DNAH7: variants seen among roughly 807,000 people sequenced by gnomAD.
DNAH7 encodes dynein axonemal heavy chain 7, also known as axonemal beta dynein heavy chain 7.
DNAH7 carries 397 observed loss-of-function variants against 444.6 expected under a neutral mutation model. The observed-to-expected ratio is 0.89, with a 90% CI of 0.82 to 0.97. The LOEUF (loss-of-function observed/expected upper bound fraction) is 0.97, where lower values mean the gene tolerates loss of function less well. Among genes scored for constraint, DNAH7 ranks in the 50% least tolerant of loss-of-function variants. DNAH7 has a pLI of 0.00. For missense variants in DNAH7, 4,902 were observed against 4,800.8 expected (o/e 1.02, Z -0.62); for synonymous variants, 1,636 against 1,624.4 (o/e 1.01, Z -0.17).
At chr2:195,875,571 A>T in intron 38 of DNAH7, 104 bp downstream of exon 38, 1 of 1,082,026 alleles carries the variant, frequency 9.2e-7, no homozygotes, top group Non-Finnish European at 1.3e-6. Flanking sequence ...GAAAACATAT[A>T]CACAAAACAC....
At chr2:195,914,919 C>G (rs1341423267) in intron 24 of DNAH7, among the ~76,000 whole-genome samples, 1 of 152,170 alleles carries the variant, frequency 6.6e-6, no homozygotes, top group Non-Finnish European at 1.5e-5. Context: ...GCCTTGGTCT[C>G]CCAAAGTGCT....
At chr2:195,806,256 T>C (rs191621182) in intron 54 of DNAH7, among the ~76,000 whole-genome samples, 273 of 152,320 alleles carry the variant, frequency 1.8e-3, no homozygotes, top group African/African-American at 5.9e-3. Context: ...TATAATTTAT[T>C]ATTTAAAGAA....
At chr2:195,785,498 CT>C (rs1695574838) in intron 58 of DNAH7, among the ~76,000 whole-genome samples, 1 of 149,704 alleles carries the variant, frequency 6.7e-6, no homozygotes, top group South Asian at 2.1e-4. Flanking sequence ...TCTAGTTTCT[CT>C]CCATTTAAGT....
intron 10 of DNAH7, among the ~76,000 whole-genome samples, chr2:196,010,890 T>C (rs2125717231): frequency 6.6e-6 from 1 of 152,276 alleles, no homozygotes; most frequent in African/African-American, 2.4e-5. Flanking sequence ...TTAACTGAAA[T>C]AAGCCAGGCA....
In DNAH7 at chr2:195,777,889, G is replaced by T; in HGVS notation, c.10975C>A (p.Leu3659Ile). 1 of 1,614,178 alleles carries T rather than the reference G, an allele frequency of 6.2e-7. No individual in the cohort carries two copies. Among genetic ancestry groups the T allele is most frequent in the African/African-American group, 1.3e-5 (1 of 75,068 alleles). ...DWDRRTLRSI[L>I]NKFFNPELVE... The stretch of plus-strand genomic sequence containing the variant: ...AATTCGGGATTGAAGAATTTGTTTA[G>T]AATGCTGCGCAGCGTGCGCCGGTCC... Residue 3659 changes from leucine to isoleucine, a missense_variant, in exon 59 of 65, where the codon CTA (leucine) becomes ATA (isoleucine). Leu to Ile is a conservative substitution (Grantham distance 5). Transcript: ENST00000312428.
chr2:195,777,975 T>TA lies in DNAH7; in HGVS notation c.10888dup (p.Tyr3630LeufsTer2). On this transcript the variant is annotated frameshift_variant, in exon 59 of 65. Transcript: ENST00000312428. LOFTEE classifies it high-confidence loss of function. ...GCCAGTCATGTACCGCAGAGCCTCA[T>TA]ACGGCAGTTCCTAAAATAGTGCGTG... 1.9e-6 allele frequency: 3 copies of TA among 1,610,734 alleles called. No homozygotes were observed. Among genetic ancestry groups the TA allele is most frequent in the South Asian group, 1.1e-5 (1 of 90,640 alleles).
At chr2:196,048,792 A>C in intron 3 of DNAH7, among the ~76,000 whole-genome samples, 1 of 46,498 alleles carries the variant, frequency 2.2e-5, no homozygotes, top group South Asian at 1.5e-3. Context: ...AAACCACCCT[A>C]GATTGCTCTG....
At chr2:195,890,104 T>C (rs930640745) in intron 31 of DNAH7, among the ~76,000 whole-genome samples, 1 of 152,202 alleles carries the variant, frequency 6.6e-6, no homozygotes. Context: ...TGGTGAAGGA[T>C]TTGAATCCAT....
Position 195,847,826 on chromosome 2 carries a change from C to A in DNAH7, c.8782-2661G>T, listed in dbSNP as rs146370457. Among the ~76,000 whole-genome samples the A allele has an allele frequency of 1.7e-3, 254 of 152,166 alleles. 1 individual carries two copies. The highest frequency in any genetic ancestry group is 5.9e-3 in the African/African-American group (247 of 41,520). ...TTTTACTTCTGACTCACATGCCCTGCGAGTGGCTACGGCAGGGCATTTCAG... is the reference window on the plus strand; with the variant it reads ...TTTTACTTCTGACTCACATGCCCTGAGAGTGGCTACGGCAGGGCATTTCAG... On this transcript the variant is annotated intron_variant, in intron 46 of 64. Coordinates refer to ENST00000312428, the MANE Select transcript of DNAH7 (RefSeq NM_018897.3).
chr2:195,863,661 G>A (rs764479050), intron 41 of DNAH7, among the ~76,000 whole-genome samples: 10 of 152,168 alleles, frequency 6.6e-5, no homozygotes, highest in African/African-American at 1.9e-4. Flanking sequence ...CTTTCCAGCC[G>A]TAGCTGAGTT....
Position 195,897,762 on chromosome 2 carries a change from T to G in DNAH7, c.4552A>C (p.Lys1518Gln). 7 of 1,500,442 alleles carry G rather than the reference T, an allele frequency of 4.7e-6. No individual in the cohort carries two copies. The highest frequency in any genetic ancestry group is 6.3e-6 in the Non-Finnish European group (7 of 1,111,030). 92.9% of individuals were successfully genotyped at this position (1,500,442 alleles called of 1,614,324 possible). A position where few individuals can be genotyped will look rare whatever the true frequency, so the allele number is the denominator to read the frequency against. Residue 1518 changes from lysine to glutamine, a missense_variant, in exon 29 of 65, where the codon AAA becomes CAA. Physicochemically the swap from Lys to Gln is moderately conservative, Grantham distance 53 (BLOSUM62 1). Coordinates refer to ENST00000312428, the MANE Select transcript of DNAH7 (RefSeq NM_018897.3). The stretch of plus-strand genomic sequence containing the variant: ...ATTTCTTCATTTTCATTTGGATATT[T>G]CAGCTAAAAAAAAAAAAAAAAACTC... ...VLTAAGNLKL[K>Q]YPNENEEILL... is the part of the protein sequence containing the mutation.
At chr2:195,802,240 G>A (rs1054684161) in intron 54 of DNAH7, among the ~76,000 whole-genome samples, 14 of 152,144 alleles carry the variant, frequency 9.2e-5, no homozygotes, top group Admixed American at 2.0e-4. Flanking sequence ...GCCAGGCGTG[G>A]TGGCTCACAC....
At chr2:196,014,266 T>C (rs556654621) in intron 9 of DNAH7, among the ~76,000 whole-genome samples, 1 of 152,296 alleles carries the variant, frequency 6.6e-6, no homozygotes, top group East Asian at 1.9e-4. Context: ...AAGATATTAC[T>C]CACTATGCAT....
chr2:195,969,606 T>G (rs1234971218), intron 17 of DNAH7, among the ~76,000 whole-genome samples: 1 of 152,150 alleles, frequency 6.6e-6, no homozygotes, highest in Admixed American at 6.5e-5. Flanking sequence ...CGTAACCAGG[T>G]ACTATCATTT....
intron 16 of DNAH7, among the ~76,000 whole-genome samples, chr2:195,971,348 A>T (rs535686926): frequency 6.6e-6 from 1 of 152,302 alleles, no homozygotes; most frequent in South Asian, 2.1e-4. Flanking sequence ...TCTGTGTGTC[A>T]GTCACTGTGC....
chr2:195,922,170 T>C lies in DNAH7; in HGVS notation c.3853A>G (p.Asn1285Asp), dbSNP rs1257130693. 2 of 1,612,202 alleles carry C rather than the reference T, an allele frequency of 1.2e-6. No homozygotes were observed. Among genetic ancestry groups the C allele is most frequent in the Middle Eastern group, 1.7e-4 (1 of 6,054 alleles). The change falls in exon 24 of 65, where the codon AAT (asparagine) becomes GAT (aspartate). Residue 1285 changes from asparagine (N) to aspartate (D), a missense_variant. Physicochemically the swap from Asn to Asp is conservative, Grantham distance 23. Transcript: ENST00000312428. ...TCATATCCATATCGCAAACCAGCAT[T>C]GATCATTTTTGTTTCTAAATGATTT... is the stretch of plus-strand genomic sequence containing the variant. ...QENHLETKMINAGLRYGYEYL... is the reference protein window; with the variant it reads ...QENHLETKMIDAGLRYGYEYL...
At chr2:195,831,742 C>T (rs1035189583) in intron 48 of DNAH7, among the ~76,000 whole-genome samples, 2 of 152,144 alleles carry the variant, frequency 1.3e-5, no homozygotes, top group African/African-American at 4.8e-5. Flanking sequence ...AAGCACCAGA[C>T]AAAGACAGAA....
At chr2:195,940,096 GGCATCAT>G (rs1447313688) in intron 19 of DNAH7, among the ~76,000 whole-genome samples, 1 of 152,138 alleles carries the variant, frequency 6.6e-6, no homozygotes, top group Non-Finnish European at 1.5e-5. Context: ...CAAAGCTGGA[GGCATCAT>G]GCTACCTGAC....
intron 58 of DNAH7, among the ~76,000 whole-genome samples, chr2:195,779,530 T>G (rs1474741959): frequency 6.6e-6 from 1 of 152,170 alleles, no homozygotes; most frequent in Non-Finnish European, 1.5e-5. Flanking sequence ...CCACAATTAT[T>G]TCATATGTTT....
Sources: gnomAD v4.1 joint callset for allele counts (sites outside exome capture counted in the v4.1 genomes callset) on GRCh38, gnomAD v4.1.1 for gene constraint, MANE v1.5 for transcripts, NCBI Gene and HGNC (gene_info 2026-07-23, HGNC 2026-07-21) for gene names.